WDR7: variants seen among roughly 807,000 people sequenced by gnomAD.
WDR7 encodes WD repeat domain 7.
A neutral mutation model predicts 169.4 loss-of-function variants in WDR7; 46 were observed. That is an observed-to-expected ratio of 0.27 (90% CI 0.21 to 0.35). WDR7 has a LOEUF of 0.35. WDR7 is among the 10% of genes least tolerant of loss of function. The pLI is 1.00. For synonymous variants in WDR7, 612 were observed against 666.8 expected (o/e 0.92, Z 1.27); for missense variants, 1,534 against 1,859.3 (o/e 0.83, Z 3.22).
At chr18:56,770,497 G>A (rs1418394870) in intron 16 of WDR7, among the ~76,000 whole-genome samples, 1 of 152,182 alleles carries the variant, frequency 6.6e-6, no homozygotes, top group Non-Finnish European at 1.5e-5. Flanking sequence ...AGTAATGAGG[G>A]AAACCTTTTA....
At chr18:56,751,624 G>GT in intron 14 of WDR7, among the ~76,000 whole-genome samples, 1 of 152,092 alleles carries the variant, frequency 6.6e-6, no homozygotes, top group Non-Finnish European at 1.5e-5. Flanking sequence ...ATAACCAGCC[G>GT]TAATACCTAG....
chr18:57,008,378 A>G (rs1046998224), intron 26 of WDR7, among the ~76,000 whole-genome samples: 5 of 152,172 alleles, frequency 3.3e-5, no homozygotes, highest in Non-Finnish European at 7.3e-5. Context: ...AAAACTCTCT[A>G]TTGACTATGA....
intron 1 of WDR7, among the ~76,000 whole-genome samples, chr18:56,662,658 G>T (rs995109962): frequency 6.6e-6 from 1 of 152,040 alleles, no homozygotes; most frequent in African/African-American, 2.4e-5. Flanking sequence ...ATCCAATTTC[G>T]TTTGTAGTAA....
chr18:56,657,234 T>G (rs1262496607), intron 1 of WDR7, among the ~76,000 whole-genome samples: 1 of 151,808 alleles, frequency 6.6e-6, no homozygotes, highest in Non-Finnish European at 1.5e-5. Context: ...CTCAGCTCAC[T>G]GCAACCTCCA....
chr18:56,755,324 T>G (rs117811555), intron 14 of WDR7, among the ~76,000 whole-genome samples: 2,014 of 152,318 alleles, frequency 0.013, 21 homozygotes, highest in East Asian at 0.033. Flanking sequence ...GAATTTTGTA[T>G]TGTCTATTTT....
chr18:56,861,824 A>T (rs1174190452), intron 20 of WDR7, among the ~76,000 whole-genome samples: 1 of 152,154 alleles, frequency 6.6e-6, no homozygotes. Context: ...ATGATTTTGA[A>T]CACTTAATTA....
chr18:56,768,859 A>G (rs1383104347), intron 16 of WDR7, among the ~76,000 whole-genome samples: 1 of 152,240 alleles, frequency 6.6e-6, no homozygotes, highest in Non-Finnish European at 1.5e-5. Flanking sequence ...TATATGAAGT[A>G]AAGACTTCAG....
intron 26 of WDR7, among the ~76,000 whole-genome samples, chr18:56,984,933 G>A (rs764062710): frequency 6.6e-5 from 10 of 151,976 alleles, no homozygotes; most frequent in African/African-American, 1.2e-4. Context: ...AGAGAACCTC[G>A]GGCCTTGTTG....
chr18:56,660,264 T>C (rs2024875891), intron 1 of WDR7, among the ~76,000 whole-genome samples: 2 of 152,120 alleles, frequency 1.3e-5, no homozygotes, highest in Non-Finnish European at 2.9e-5. Context: ...CAAAAGGAGA[T>C]GTTGAGTAGG....
At chr18:56,820,776 T>C (rs562624556) in intron 20 of WDR7, among the ~76,000 whole-genome samples, 1 of 152,336 alleles carries the variant, frequency 6.6e-6, no homozygotes, top group African/African-American at 2.4e-5. Flanking sequence ...AAATGTGCTT[T>C]TGTTTTTCTT....
intron 19 of WDR7, among the ~76,000 whole-genome samples, chr18:56,804,404 A>G (rs74856314): frequency 0.016 from 2,416 of 152,314 alleles, 66 homozygotes; most frequent in African/African-American, 0.055. Flanking sequence ...GGTAATTTAA[A>G]ATATAGTTTC....
At chr18:56,709,088 G>A (rs1206490970) in intron 12 of WDR7, among the ~76,000 whole-genome samples, 1 of 152,174 alleles carries the variant, frequency 6.6e-6, no homozygotes, top group Non-Finnish European at 1.5e-5. Context: ...AATAAAGTAA[G>A]TTCAGTAGAA....
At chr18:56,924,390 A>C (rs1012088877) in intron 22 of WDR7, among the ~76,000 whole-genome samples, 1 of 152,310 alleles carries the variant, frequency 6.6e-6, no homozygotes, top group Non-Finnish European at 1.5e-5. Flanking sequence ...ATAATAGTAT[A>C]ATATTGTTAA....
chr18:56,775,751 G>A (rs2044232249), intron 16 of WDR7, among the ~76,000 whole-genome samples: 1 of 151,658 alleles, frequency 6.6e-6, no homozygotes, highest in South Asian at 2.1e-4. Flanking sequence ...ACATTATGAT[G>A]CATTCGTGTG....
At chr18:56,959,588 A>T (rs1277786307) in intron 25 of WDR7, among the ~76,000 whole-genome samples, 1 of 152,162 alleles carries the variant, frequency 6.6e-6, no homozygotes, top group Non-Finnish European at 1.5e-5. Context: ...TTATCAACAC[A>T]GTGAACTGGA....
At chr18:56,921,105 T>C (rs559188811) in intron 21 of WDR7, among the ~76,000 whole-genome samples, 1 of 152,364 alleles carries the variant, frequency 6.6e-6, no homozygotes, top group South Asian at 2.1e-4. Flanking sequence ...TTGTCATTAA[T>C]GCTAGTAGCA....
intron 11 of WDR7, among the ~76,000 whole-genome samples, chr18:56,695,537 CTT>C (rs774362260): frequency 1.3e-4 from 18 of 139,452 alleles, no homozygotes; most frequent in African/African-American, 2.1e-4. Flanking sequence ...CAATAGAAAT[CTT>C]TTTTTTTTTT....
At position 56,686,871 on chromosome 18, in the gene WDR7, T is replaced by C. The variant is rs1388884072; in HGVS notation, c.614T>C (p.Phe205Ser). ...TCTTTTCAGGATACTGAGCCAATATTTGAGGAGGAATCCAAACCAATTTAT... is the reference window on the plus strand; with the variant it reads ...TCTTTTCAGGATACTGAGCCAATATCTGAGGAGGAATCCAAACCAATTTAT... ...ISDMQDTEPI[F>S]EEESKPIYCQ... Residue 205 changes from phenylalanine to serine, a missense_variant, in exon 7 of 28, where the codon TTT becomes TCT. By Grantham distance (155) the Phe-to-Ser change is radical. Transcript: ENST00000254442. The C allele has an allele frequency of 6.2e-7, 1 of 1,602,370 alleles. No individual in the cohort carries two copies. The highest frequency in any genetic ancestry group is 2.2e-5 in the East Asian group (1 of 44,726).
intron 26 of WDR7, 61 bp downstream of exon 26, chr18:56,962,590 G>C (rs2047353445): frequency 6.7e-7 from 1 of 1,484,252 alleles, no homozygotes; most frequent in African/African-American, 1.4e-5. Context: ...AGGAGAGAGA[G>C]ACTAGCACTT....
Sources: allele counts gnomAD v4.1 joint callset (sites outside exome capture counted in the v4.1 genomes callset), GRCh38; gene constraint gnomAD v4.1.1; transcripts MANE v1.5; gene names NCBI Gene and HGNC (gene_info 2026-07-23, HGNC 2026-07-21).